PHLDB2: variants seen among roughly 807,000 people sequenced by gnomAD.
The protein encoded by PHLDB2 is pleckstrin homology-like domain family B member 2.
PHLDB2 carries 71 observed loss-of-function variants against 123.6 expected under a neutral mutation model. The observed-to-expected ratio is 0.57, with a 90% CI of 0.47 to 0.70. PHLDB2 has a LOEUF of 0.70. PHLDB2 is among the 30% of genes least tolerant of loss of function. The pLI, the probability that PHLDB2 is intolerant of heterozygous loss-of-function variation, is 0.00. For synonymous variants in PHLDB2, 547 were observed against 541.6 expected (o/e 1.01, Z -0.14); for missense variants, 1,446 against 1,519.5 (o/e 0.95, Z 0.80).
intron 2 of PHLDB2, among the ~76,000 whole-genome samples, chr3:111,906,897 T>C (rs922367661): frequency 6.6e-6 from 1 of 152,138 alleles, no homozygotes; most frequent in Non-Finnish European, 1.5e-5. Flanking sequence ...CTATTTAAAC[T>C]AAGGGTGGCA....
chr3:111,976,025 T>A lies in PHLDB2; in HGVS notation c.*1462T>A, dbSNP rs2072469165. 1 of 152,684 alleles carries A rather than the reference T, an allele frequency of 6.5e-6. No homozygotes were observed. Among genetic ancestry groups the A allele is most frequent in the Admixed American group, 6.5e-5 (1 of 15,284 alleles). The allele number at this position is 152,684 out of a possible 1,614,324, so 9.5% of individuals were successfully genotyped here. On this transcript the variant is annotated 3_prime_UTR_variant, in exon 18 of 18. Coordinates refer to ENST00000431670, the MANE Select transcript of PHLDB2 (RefSeq NM_001134438.2). The stretch of plus-strand genomic sequence containing the variant: ...GGACAAAAATCATGATTGTGGAAGA[T>A]ATTTTTAAAATCTGATTTTGCAGCG...
At chr3:111,796,113 G>C (rs1035463477) in intron 1 of PHLDB2, among the ~76,000 whole-genome samples, 12 of 152,108 alleles carry the variant, frequency 7.9e-5, no homozygotes, top group African/African-American at 2.7e-4. Context: ...CAGCCAGCCT[G>C]GTCTCGAACT....
At chr3:111,773,654 CAG>C (rs1056828787) in intron 1 of PHLDB2, among the ~76,000 whole-genome samples, 4 of 152,176 alleles carry the variant, frequency 2.6e-5, no homozygotes, top group African/African-American at 9.7e-5. Flanking sequence ...CCTTGACTGG[CAG>C]AGTGCCTGTA....
rs185531762 is a variant in PHLDB2, at chr3:111,790,341, C to T, written c.-48-55480C>T. Among the ~76,000 whole-genome samples the T allele has an allele frequency of 3.6e-3, 548 of 152,274 alleles. 3 individuals are homozygous for T. The highest frequency in any genetic ancestry group is 0.012 in the African/African-American group (493 of 41,556). On this transcript the variant is annotated intron_variant, in intron 1 of 17. Transcript: ENST00000393923. ...GTTCATTGTGTCTCCTTTCTGACCACAAAAGTTTACTCCAACTCCTCAGGT... is the reference window on the plus strand; with the variant it reads ...GTTCATTGTGTCTCCTTTCTGACCATAAAAGTTTACTCCAACTCCTCAGGT...
At chr3:111,945,216 C>T in intron 8 of PHLDB2, 52 bp from the exon 9 acceptor site, 1 of 1,198,080 alleles carries the variant, frequency 8.3e-7, no homozygotes, top group South Asian at 1.3e-5. Flanking sequence ...CCATGCTTCT[C>T]AGTTGCATCG....
intron 1 of PHLDB2, among the ~76,000 whole-genome samples, chr3:111,843,486 G>A (rs1329471967): frequency 1.3e-5 from 2 of 152,166 alleles, no homozygotes; most frequent in African/African-American, 2.4e-5. Flanking sequence ...TAACTCCAGG[G>A]CTCAAGCCAT....
chr3:111,888,117 T>G (rs1186027724), intron 2 of PHLDB2, among the ~76,000 whole-genome samples: 1 of 152,090 alleles, frequency 6.6e-6, no homozygotes, highest in East Asian at 1.9e-4. Flanking sequence ...TTCAGGGTCT[T>G]TGTGTAAAGT....
intron 1 of PHLDB2, among the ~76,000 whole-genome samples, chr3:111,872,192 A>G (rs746881259): frequency 6.6e-6 from 1 of 152,224 alleles, no homozygotes; most frequent in Non-Finnish European, 1.5e-5. Flanking sequence ...GTGGATACAT[A>G]TGTAATAAGG....
intron 1 of PHLDB2, among the ~76,000 whole-genome samples, chr3:111,809,500 T>A (rs1280771143): frequency 6.6e-6 from 1 of 152,214 alleles, no homozygotes; most frequent in East Asian, 1.9e-4. Context: ...GATTTCCTCT[T>A]CTTTTCTCCA....
At chr3:111,915,960 C>T (rs1041802633) in intron 3 of PHLDB2, 2 of 152,290 alleles carry the variant, frequency 1.3e-5, no homozygotes, top group African/African-American at 4.8e-5. Flanking sequence ...CTTAGAAACC[C>T]TTTGCTTCCT....
intron 1 of PHLDB2, among the ~76,000 whole-genome samples, chr3:111,782,633 C>T (rs1355788533): frequency 6.6e-6 from 1 of 152,062 alleles, no homozygotes; most frequent in Admixed American, 6.6e-5. Context: ...CCCCTTTAAA[C>T]TGGGTGAGAC....
intron 6 of PHLDB2, among the ~76,000 whole-genome samples, chr3:111,936,613 G>A (rs994053529): frequency 1.3e-5 from 2 of 152,138 alleles, no homozygotes; most frequent in African/African-American, 4.8e-5. Flanking sequence ...TTATTTTCAT[G>A]CAGTGGTTTA....
At chr3:111,774,134 A>T (rs901412892) in intron 1 of PHLDB2, among the ~76,000 whole-genome samples, 8 of 152,192 alleles carry the variant, frequency 5.3e-5, no homozygotes, top group African/African-American at 1.7e-4. Flanking sequence ...GGGAGGAGAA[A>T]GCCAGTGCCA....
At chr3:111,974,307 C>A (rs183000060) in intron 17 of PHLDB2, 116 bp from the exon 18 acceptor site, 705 of 1,001,752 alleles carry the variant, frequency 7.0e-4, no homozygotes, top group Non-Finnish European at 9.4e-4. Flanking sequence ...GCAAAAGTAA[C>A]GCCTTTGTAA....
intron 1 of PHLDB2, among the ~76,000 whole-genome samples, chr3:111,802,735 C>T (rs1461878775): frequency 6.6e-6 from 1 of 152,214 alleles, no homozygotes; most frequent in Non-Finnish European, 1.5e-5. Context: ...AAGCATCATG[C>T]ATTCTCTCTC....
At chr3:111,965,309 T>G (rs1336932731) in intron 13 of PHLDB2, among the ~76,000 whole-genome samples, 1 of 152,206 alleles carries the variant, frequency 6.6e-6, no homozygotes, top group Non-Finnish European at 1.5e-5. Flanking sequence ...TTGTTAAGCT[T>G]ATAAGGATCC....
At chr3:111,744,098 C>A (rs1258025752) in intron 1 of PHLDB2, among the ~76,000 whole-genome samples, 1 of 152,110 alleles carries the variant, frequency 6.6e-6, no homozygotes, top group Non-Finnish European at 1.5e-5. Context: ...TAAATCCTTA[C>A]CAGCTAGAGG....
chr3:111,851,160 A>T (rs2064234442), intron 2 of PHLDB2, among the ~76,000 whole-genome samples: 1 of 141,204 alleles, frequency 7.1e-6, no homozygotes, highest in Non-Finnish European at 1.5e-5. Context: ...ACGCCACTGC[A>T]CTCCAGCCTG....
intron 2 of PHLDB2, among the ~76,000 whole-genome samples, chr3:111,887,809 T>G (rs1201334021): frequency 6.6e-6 from 1 of 152,202 alleles, no homozygotes; most frequent in African/African-American, 2.4e-5. Flanking sequence ...AAATCTGATG[T>G]GGCTGCCTAG....
Sources: allele counts gnomAD v4.1 joint callset (sites outside exome capture counted in the v4.1 genomes callset), GRCh38; gene constraint gnomAD v4.1.1; transcripts MANE v1.5; gene names NCBI Gene and HGNC (gene_info 2026-07-23, HGNC 2026-07-21).